The following LARGE1 variants were observed in gnomAD, a reference collection of about 807,000 sequenced individuals.
LARGE1 encodes the protein LARGE xylosyl- and glucuronyltransferase 1.
LARGE1 carries 43 observed loss-of-function variants against 87.6 expected under a neutral mutation model. The ratio of observed to expected loss-of-function variants is 0.49; its 90% confidence interval spans 0.38 to 0.63. The LOEUF (loss-of-function observed/expected upper bound fraction) is 0.63, where lower values mean the gene tolerates loss of function less well. Among genes scored for constraint, LARGE1 ranks in the 30% least tolerant of loss-of-function variants. The pLI is 0.00. For missense variants in LARGE1, 802 were observed against 1,000.2 expected, an observed-to-expected ratio of 0.80 and a Z score of 2.67; for synonymous variants, 434 against 394.6, an observed-to-expected ratio of 1.10 and a Z score of -1.18.
At chr22:33,201,714 G>A (rs1602085245) in intron 11 of LARGE1, among the ~76,000 whole-genome samples, 1 of 152,324 alleles carries the variant, frequency 6.6e-6, no homozygotes, top group Middle Eastern at 3.4e-3. Flanking sequence ...GAGGGTCAGA[G>A]AAGTGATAAG....
chr22:33,767,865 T>C (rs1022894314), intron 1 of LARGE1, among the ~76,000 whole-genome samples: 1 of 152,066 alleles, frequency 6.6e-6, no homozygotes, highest in African/African-American at 2.4e-5. Flanking sequence ...CATATAACAG[T>C]GGGAGGATTT....
At chr22:33,595,224 T>G (rs897610110) in intron 5 of LARGE1, among the ~76,000 whole-genome samples, 1 of 152,108 alleles carries the variant, frequency 6.6e-6, no homozygotes, top group African/African-American at 2.4e-5. Flanking sequence ...CAAGAGATGT[T>G]TTGATACAGA....
chr22:33,543,394 T>C (rs1052973144), intron 6 of LARGE1, among the ~76,000 whole-genome samples: 1 of 152,162 alleles, frequency 6.6e-6, no homozygotes, highest in Non-Finnish European at 1.5e-5. Flanking sequence ...ACCTTTTCCA[T>C]CTAAACAGAT....
At chr22:33,114,037 A>ATTTTTCTATTT in the LARGE1 span, among the ~76,000 whole-genome samples, 1 of 90,652 alleles carries the variant, frequency 1.1e-5, no homozygotes, top group South Asian at 3.3e-4. Flanking sequence ...CGCCCAGCTA[A>ATTTTTCTATTT]TTTTTCTATT....
At chr22:33,104,500 C>T in the LARGE1 span, among the ~76,000 whole-genome samples, 2 of 152,116 alleles carry the variant, frequency 1.3e-5, no homozygotes, top group Admixed American at 6.5e-5. Flanking sequence ...GGGGTACATG[C>T]GAGTGACAAT....
intron 6 of LARGE1, among the ~76,000 whole-genome samples, chr22:33,457,335 A>G (rs549490405): frequency 1.9e-3 from 95 of 48,868 alleles, no homozygotes; most frequent in Non-Finnish European, 3.3e-3. Flanking sequence ...TATTTTTATT[A>G]GAGACGGGGT....
chr22:33,321,206 T>C (rs954444969), intron 10 of LARGE1, among the ~76,000 whole-genome samples: 4 of 152,230 alleles, frequency 2.6e-5, no homozygotes, highest in Admixed American at 6.5e-5. Context: ...CCTATTATCA[T>C]AGTGATTATC....
intron 1 of LARGE1, among the ~76,000 whole-genome samples, chr22:33,835,639 T>C (rs2063089496): frequency 6.6e-6 from 1 of 152,190 alleles, no homozygotes; most frequent in South Asian, 2.1e-4. Flanking sequence ...ATTTGGAAAG[T>C]CGTTATAACG....
intron 11 of LARGE1, among the ~76,000 whole-genome samples, chr22:33,168,822 A>G (rs1922408539): frequency 6.6e-6 from 1 of 152,222 alleles, no homozygotes; most frequent in African/African-American, 2.4e-5. Flanking sequence ...TATCTACATC[A>G]AATATACAAG....
At chr22:33,405,787 C>T (rs945547759) in intron 7 of LARGE1, among the ~76,000 whole-genome samples, 7 of 152,170 alleles carry the variant, frequency 4.6e-5, no homozygotes, top group East Asian at 3.9e-4. Context: ...CAATGCTGAA[C>T]GAAAAGTCAG....
At chr22:33,518,359 C>T (rs1365042659) in intron 6 of LARGE1, among the ~76,000 whole-genome samples, 1 of 152,212 alleles carries the variant, frequency 6.6e-6, no homozygotes, top group Non-Finnish European at 1.5e-5. Context: ...CACTCTGTCG[C>T]CTAGGCTGGA....
chr22:33,558,819 T>C (rs1201279567), intron 6 of LARGE1, among the ~76,000 whole-genome samples: 1 of 152,248 alleles, frequency 6.6e-6, no homozygotes, highest in Non-Finnish European at 1.5e-5. Context: ...TCTACATTAT[T>C]GTACAGCCCC....
intron 11 of LARGE1, among the ~76,000 whole-genome samples, chr22:33,194,003 CAT>C (rs200233235): frequency 0.03 from 4,496 of 148,016 alleles, 93 homozygotes; most frequent in Admixed American, 0.057. Flanking sequence ...TATATAAAAA[CAT>C]AGATGTCACA....
intron 1 of LARGE1, among the ~76,000 whole-genome samples, chr22:33,868,733 T>G (rs549329244): frequency 1.2e-4 from 19 of 152,260 alleles, no homozygotes; most frequent in South Asian, 4.1e-4. Context: ...CCTGGTCTGG[T>G]CAACCAGAAA....
the LARGE1 span, among the ~76,000 whole-genome samples, chr22:33,150,337 C>G: frequency 1.4e-3 from 208 of 152,166 alleles, no homozygotes; most frequent in African/African-American, 4.9e-3. Context: ...CAGCTGCAAG[C>G]CCCCGATTAA....
At chr22:33,473,462 GC>G in intron 6 of LARGE1, among the ~76,000 whole-genome samples, 1 of 152,136 alleles carries the variant, frequency 6.6e-6, no homozygotes, top group South Asian at 2.1e-4. Flanking sequence ...TGATTCTCCC[GC>G]CTCAGCCTCC....
chr22:33,435,466 G>T (rs1372746988), intron 6 of LARGE1, among the ~76,000 whole-genome samples: 1 of 152,174 alleles, frequency 6.6e-6, no homozygotes, highest in African/African-American at 2.4e-5. Flanking sequence ...CTTAATAAAT[G>T]TCTGCTAAAT....
chr22:33,821,855 C>G (rs1203777426), intron 1 of LARGE1, among the ~76,000 whole-genome samples: 1 of 151,340 alleles, frequency 6.6e-6, no homozygotes, highest in Non-Finnish European at 1.5e-5. Context: ...GACTGAAAAG[C>G]CTGCCCAAGT....
chr22:33,404,614 T>C (rs962757935), intron 7 of LARGE1, among the ~76,000 whole-genome samples: 7 of 152,122 alleles, frequency 4.6e-5, no homozygotes, highest in African/African-American at 1.7e-4. Flanking sequence ...TTCCTAGAAA[T>C]TGGATTAGCG....
Sources: gnomAD v4.1 joint callset for allele counts (sites outside exome capture counted in the v4.1 genomes callset) on GRCh38, gnomAD v4.1.1 for gene constraint, MANE v1.5 for transcripts, NCBI Gene and HGNC (gene_info 2026-07-23, HGNC 2026-07-21) for gene names.